The following TMOD2 variants were observed in gnomAD, a reference collection of about 807,000 sequenced individuals.
TMOD2 encodes tropomodulin-2.
A neutral mutation model predicts 39.9 loss-of-function variants in TMOD2; 22 were observed. The observed-to-expected ratio is 0.55, with a 90% confidence interval of 0.39 to 0.79. The LOEUF is 0.79. TMOD2 is among the 30% of genes least tolerant of loss of function. The pLI is 0.00. For synonymous variants in TMOD2, 123 were observed against 146.1 expected, an observed-to-expected ratio of 0.84 and a Z score of 1.14; for missense variants, 386 against 413.3, an observed-to-expected ratio of 0.93 and a Z score of 0.57.
chr15:51,786,721 A>G (rs1397118752), intron 7 of TMOD2, among the ~76,000 whole-genome samples: 1 of 152,250 alleles, frequency 6.6e-6, no homozygotes, highest in African/African-American at 2.4e-5. Context: ...TGAGCATTCA[A>G]ATGGAATTTG....
intron 7 of TMOD2, among the ~76,000 whole-genome samples, chr15:51,785,213 C>G (rs1030229774): frequency 2.6e-5 from 4 of 150,966 alleles, no homozygotes; most frequent in Non-Finnish European, 4.4e-5. Context: ...GAGATCGAGA[C>G]CATCCTGGCT....
Position 51,751,611 on chromosome 15 carries a change from T to A in TMOD2, c.-171T>A. The A allele has an allele frequency of 4.5e-6, 1 of 222,696 alleles. No homozygotes were observed. Among genetic ancestry groups the A allele is most frequent in the Non-Finnish European group, 8.7e-6 (1 of 114,914 alleles). The allele number at this position is 222,696 out of a possible 1,614,324, so 13.8% of individuals were successfully genotyped here. A position where few individuals can be genotyped will look rare whatever the true frequency, so the allele number is the denominator to read the frequency against. ...GGGAGCCGCCTGTTGATCGCCGCGC[T>A]CGCCCCGGCCACGGCGCCGCCCCTG... On this transcript the variant is annotated 5_prime_UTR_variant, in exon 1 of 10. Coordinates refer to ENST00000249700, the MANE Select transcript of TMOD2 (RefSeq NM_014548.4).
At chr15:51,804,217 C>A (rs1347122149) in intron 8 of TMOD2, among the ~76,000 whole-genome samples, 1 of 152,194 alleles carries the variant, frequency 6.6e-6, no homozygotes, top group Admixed American at 6.5e-5. Context: ...TCACTAAGGC[C>A]TGGCTAAATA....
intron 8 of TMOD2, among the ~76,000 whole-genome samples, chr15:51,805,866 T>C (rs1293315685): frequency 6.6e-6 from 1 of 152,366 alleles, no homozygotes; most frequent in Non-Finnish European, 1.5e-5. Flanking sequence ...ATTGTGATTG[T>C]ACTATATGCC....
chr15:51,801,565 G>A (rs533499169), intron 8 of TMOD2, among the ~76,000 whole-genome samples: 4 of 152,284 alleles, frequency 2.6e-5, no homozygotes, highest in East Asian at 3.9e-4. Flanking sequence ...GCACCAAAGC[G>A]AAGGCCTGCT....
chr15:51,795,693 TC>T (rs1330834748), intron 7 of TMOD2, among the ~76,000 whole-genome samples: 1 of 151,170 alleles, frequency 6.6e-6, no homozygotes, highest in East Asian at 2.0e-4. Context: ...TTCATCCACA[TC>T]TCTTAAGGTT....
At position 51,808,557 on chromosome 15, in the gene TMOD2, C is replaced by A; in HGVS notation, c.*103C>A. 2 of 812,270 alleles carry A rather than the reference C, an allele frequency of 2.5e-6. No individual in the cohort carries two copies. Among genetic ancestry groups the A allele is most frequent in the South Asian group, 1.7e-5 (1 of 57,330 alleles). 50.3% of individuals were successfully genotyped at this position (812,270 alleles called of 1,614,324 possible). On this transcript the variant is annotated 3_prime_UTR_variant, in exon 10 of 10. Coordinates refer to ENST00000249700, the MANE Select transcript of TMOD2 (RefSeq NM_014548.4). The stretch of plus-strand genomic sequence containing the variant: ...CCATTTTATCAAAGTTCGTTCATTT[C>A]CGTTAACCACATAACTAATAATTTA...
chr15:51,756,635 G>A (rs1873671591), intron 1 of TMOD2, among the ~76,000 whole-genome samples: 2 of 152,156 alleles, frequency 1.3e-5, no homozygotes, highest in African/African-American at 4.8e-5. Context: ...GTCACTAGTG[G>A]GCACCTTGTT....
chr15:51,781,917 T>TA (rs2055933556), intron 6 of TMOD2, among the ~76,000 whole-genome samples: 1 of 152,200 alleles, frequency 6.6e-6, no homozygotes, highest in Non-Finnish European at 1.5e-5. Flanking sequence ...CCAACTTTTA[T>TA]TGAGTACTTA....
rs527370036 is a variant in TMOD2, at chr15:51,753,410, G to A, written c.-70+1698G>A. On this transcript the variant is annotated intron_variant, in intron 1 of 9. Coordinates refer to ENST00000249700, the MANE Select transcript of TMOD2 (RefSeq NM_014548.4). ...TCTCCCGTTGTGAAGCAATAAGGAG[G>A]CATAATTTCACCTCTGTAGTGTTCC... Among the ~76,000 whole-genome samples the A allele has an allele frequency of 5.6e-4, 85 of 152,272 alleles. 1 individual carries two copies. Among genetic ancestry groups the A allele is most frequent in the African/African-American group, 2.0e-3 (85 of 41,558 alleles).
chr15:51,762,798 C>T (rs891930411), intron 1 of TMOD2, among the ~76,000 whole-genome samples: 6 of 152,184 alleles, frequency 3.9e-5, no homozygotes, highest in Non-Finnish European at 7.3e-5. Flanking sequence ...TGGAATCCTG[C>T]AGTATACATT....
Position 51,782,819 on chromosome 15 carries a change from T to C in TMOD2, c.723T>C (p.Pro241=), listed in dbSNP as rs1448666726. 6.2e-7 allele frequency: 1 copy of C among 1,613,058 alleles called. No individual in the cohort carries two copies. Among genetic ancestry groups the C allele is most frequent in the African/African-American group, 1.3e-5 (1 of 74,906 alleles). ...FSLAATRSND[P]VAIAFADMLK... ...TGGCCGCAACTCGCAGCAATGACCC[T>C]GTGGCCATTGTGAGTAAAATTCTTA... is the stretch of plus-strand genomic sequence containing the variant. Residue 241 remains proline, a synonymous_variant, in exon 7 of 10, where the codon CCT becomes CCC. Transcript: ENST00000249700.
In TMOD2 at chr15:51,811,720, G is replaced by C. The variant is rs2056157875; in HGVS notation, c.*3266G>C. The C allele has an allele frequency of 6.6e-6, 1 of 152,112 alleles. No individual in the cohort carries two copies. The highest frequency in any genetic ancestry group is 2.4e-5 in the African/African-American group (1 of 41,408). The allele number at this position is 152,112 out of a possible 1,614,324, so 9.4% of individuals were successfully genotyped here. On this transcript the variant is annotated 3_prime_UTR_variant, in exon 10 of 10. Coordinates refer to ENST00000249700, the MANE Select transcript of TMOD2 (RefSeq NM_014548.4). ...CTAACTAGGTATTTGGCTACATCTGGACAACTGATTGAAGGGAGATGCTCT... is the reference window on the plus strand; with the variant it reads ...CTAACTAGGTATTTGGCTACATCTGCACAACTGATTGAAGGGAGATGCTCT...
At chr15:51,801,768 A>G (rs1016254092) in intron 8 of TMOD2, among the ~76,000 whole-genome samples, 23 of 152,296 alleles carry the variant, frequency 1.5e-4, no homozygotes, top group African/African-American at 5.5e-4. Context: ...AGATATGCTT[A>G]AACATTTGTT....
chr15:51,815,312 A>T lies in TMOD2; in HGVS notation c.*6858A>T, dbSNP rs1284200209. On this transcript the variant is annotated 3_prime_UTR_variant, in exon 10 of 10. Coordinates refer to ENST00000249700, the MANE Select transcript of TMOD2 (RefSeq NM_014548.4). ...ATCTTGCTCCTCAGAACCAGTGGGG[A>T]AGAAGAGGGAAGGCAAAGAAAGAAA... The T allele has an allele frequency of 2.0e-5, 3 of 152,574 alleles. No individual in the cohort carries two copies. In the East Asian group the frequency reaches 5.7e-4, roughly 29 times the overall value. The allele number at this position is 152,574 out of a possible 1,614,324, so 9.5% of individuals were successfully genotyped here.
At position 51,808,956 on chromosome 15, in the gene TMOD2, A is replaced by G. The variant is rs1325580925; in HGVS notation, c.*502A>G. On this transcript the variant is annotated 3_prime_UTR_variant, in exon 10 of 10. Transcript: ENST00000249700. The stretch of plus-strand genomic sequence containing the variant: ...CATGTGAAAATGTGACCAATTTAGC[A>G]CAAATTCTCTCTTAGTTCCAGAAAA... 6.5e-6 allele frequency: 1 copy of G among 152,830 alleles called. No individual in the cohort carries two copies. The highest frequency in any genetic ancestry group is 1.5e-5 in the Non-Finnish European group (1 of 68,200). 9.5% of individuals were successfully genotyped at this position (152,830 alleles called of 1,614,324 possible).
chr15:51,777,359 C>A (rs977648746), intron 5 of TMOD2, among the ~76,000 whole-genome samples: 6 of 152,134 alleles, frequency 3.9e-5, no homozygotes, highest in African/African-American at 1.4e-4. Context: ...CAAAATGCAG[C>A]GTTTCATGTT....
intron 3 of TMOD2, 59 bp from the exon 4 acceptor site, chr15:51,773,653 A>G: frequency 6.5e-7 from 1 of 1,528,874 alleles, no homozygotes; most frequent in Non-Finnish European, 8.8e-7. Flanking sequence ...TGCTCAGTCT[A>G]CTTACCCTAC....
chr15:51,782,882 C>CT (rs2055941023), intron 7 of TMOD2, 54 bp downstream of exon 7: 3 of 1,524,160 alleles, frequency 2.0e-6, no homozygotes, highest in Admixed American at 3.5e-5. Context: ...ACTGGAAACT[C>CT]TATTTACTTT....
Sources: allele counts gnomAD v4.1 joint callset (sites outside exome capture counted in the v4.1 genomes callset), GRCh38; gene constraint gnomAD v4.1.1; transcripts MANE v1.5; gene names NCBI Gene and HGNC (gene_info 2026-07-23, HGNC 2026-07-21).